The following DENND4C variants were observed in gnomAD, a reference collection of about 807,000 sequenced individuals.
DENND4C encodes DENN domain containing 4C.
A neutral mutation model predicts 203.0 loss-of-function variants in DENND4C; 108 were observed. The observed-to-expected ratio is 0.53, with a 90% confidence interval of 0.46 to 0.62. The LOEUF (loss-of-function observed/expected upper bound fraction) is 0.62, where lower values mean the gene tolerates loss of function less well. Ranked by LOEUF, DENND4C falls within the 20% of genes least tolerant of loss-of-function variation. The pLI is 0.00. For missense variants in DENND4C, 2,481 were observed against 2,301.2 expected (o/e 1.08, Z -1.60); for synonymous variants, 871 against 792.4 (o/e 1.10, Z -1.67).
chr9:19,340,639 T>C lies in DENND4C; in HGVS notation c.2882-353T>C, dbSNP rs542482897. Reference sequence around the variant, plus strand: ...TCTGGTTTATTTTGCCTGCATTACTTTTTGCAAAAGTAAGCAGATATATGT... The same window carrying C: ...TCTGGTTTATTTTGCCTGCATTACTCTTTGCAAAAGTAAGCAGATATATGT... On this transcript the variant is annotated intron_variant, in intron 20 of 32. Transcript: ENST00000434457. Among the ~76,000 whole-genome samples the C allele has an allele frequency of 5.9e-5, 9 of 152,316 alleles. No homozygotes were observed. The East Asian group carries it at 1.7e-3, about 29-fold the overall frequency.
chr9:19,280,183 C>CG (rs1564114470), intron 2 of DENND4C, among the ~76,000 whole-genome samples: 1 of 151,580 alleles, frequency 6.6e-6, no homozygotes, highest in Non-Finnish European at 1.5e-5. Flanking sequence ...GACAGAGTCT[C>CG]GCTCTGTCCA....
intron 1 of DENND4C, among the ~76,000 whole-genome samples, chr9:19,246,741 T>C (rs1328769839): frequency 6.6e-6 from 1 of 152,218 alleles, no homozygotes; most frequent in African/African-American, 2.4e-5. Flanking sequence ...TTGTTTGTTT[T>C]ATTTTTATTT....
At chr9:19,316,597 T>G (rs1841895713) in intron 11 of DENND4C, 24 bp from the exon 12 acceptor site, 8 of 1,608,394 alleles carry the variant, frequency 5.0e-6, no homozygotes, top group Non-Finnish European at 6.8e-6. Context: ...TAATACCATT[T>G]TCTGTTTTTA....
chr9:19,234,540 T>TG (rs1260385539), intron 1 of DENND4C, among the ~76,000 whole-genome samples: 5 of 149,218 alleles, frequency 3.4e-5, no homozygotes, highest in Admixed American at 6.7e-5. Context: ...GTTTTTTTTT[T>TG]TTTTTTTTTT....
chr9:19,311,341 G>A (rs1840703513), intron 10 of DENND4C, among the ~76,000 whole-genome samples: 2 of 152,198 alleles, frequency 1.3e-5, no homozygotes, highest in South Asian at 4.1e-4. Context: ...GGCCAAGCTG[G>A]TCTGGAACTC....
chr9:19,303,307 A>G (rs901605462), intron 9 of DENND4C, among the ~76,000 whole-genome samples: 1 of 151,706 alleles, frequency 6.6e-6, no homozygotes, highest in Non-Finnish European at 1.5e-5. Flanking sequence ...TTTTTCATTT[A>G]TTTTCTCTCT....
chr9:19,327,987 G>C (rs1203497022), intron 15 of DENND4C, 43 bp from the exon 16 acceptor site: 1 of 1,533,090 alleles, frequency 6.5e-7, no homozygotes, highest in Non-Finnish European at 8.8e-7. Flanking sequence ...ATGAAGAGTT[G>C]GTGTGTTTTA....
At chr9:19,280,093 G>T (rs1833728137) in intron 2 of DENND4C, among the ~76,000 whole-genome samples, 1 of 150,352 alleles carries the variant, frequency 6.7e-6, no homozygotes, top group Non-Finnish European at 1.5e-5. Flanking sequence ...TTTATTTGAA[G>T]GGGCCGGCCT....
intron 22 of DENND4C, 112 bp from the exon 23 acceptor site, chr9:19,345,809 G>C: frequency 9.8e-7 from 1 of 1,021,578 alleles, no homozygotes. Context: ...AAATTTTCTG[G>C]ATCTTTTATT....
intron 23 of DENND4C, among the ~76,000 whole-genome samples, chr9:19,348,546 TATA>T (rs1017727849): frequency 1.3e-5 from 2 of 152,162 alleles, no homozygotes; most frequent in Admixed American, 6.5e-5. Flanking sequence ...TTCAAGGTAA[TATA>T]ATCAATTTCA....
Position 19,275,168 on chromosome 9 carries a change from G to C in DENND4C, c.-17-990G>C, listed in dbSNP as rs536032654. On this transcript the variant is annotated intron_variant, in intron 1 of 32. Transcript: ENST00000434457. Reference sequence around the variant, plus strand: ...AATTTTTGTATTTTTAGTAGAGACAGGGTTTCACCATGTTAGCCAGGCTGG... The same window carrying C: ...AATTTTTGTATTTTTAGTAGAGACACGGTTTCACCATGTTAGCCAGGCTGG... 6.0e-5 allele frequency among the ~76,000 whole-genome samples: 9 copies of C among 150,828 alleles called. No homozygotes were observed. In the South Asian group the frequency reaches 1.9e-3, roughly 32 times the overall value.
chr9:19,237,203 G>A (rs1013682405), intron 1 of DENND4C, among the ~76,000 whole-genome samples: 3 of 151,478 alleles, frequency 2.0e-5, no homozygotes, highest in African/African-American at 7.3e-5. Context: ...TGTATTTTTA[G>A]TAGAGATGGG....
At chr9:19,266,956 C>T (rs1159823275) in intron 1 of DENND4C, among the ~76,000 whole-genome samples, 2 of 152,160 alleles carry the variant, frequency 1.3e-5, no homozygotes, top group African/African-American at 4.8e-5. Context: ...TTTTTTATCA[C>T]ATCGTGGTCA....
chr9:19,308,798 A>T (rs1367100152), intron 10 of DENND4C, among the ~76,000 whole-genome samples: 1 of 152,156 alleles, frequency 6.6e-6, no homozygotes, highest in Non-Finnish European at 1.5e-5. Context: ...TCATTTAGTT[A>T]TTTAATTCAG....
chr9:19,285,913 C>G (rs770551985), intron 2 of DENND4C, among the ~76,000 whole-genome samples: 1 of 152,082 alleles, frequency 6.6e-6, no homozygotes, highest in Non-Finnish European at 1.5e-5. Flanking sequence ...TTCTGTTGAT[C>G]TATATGTTTA....
At chr9:19,300,802 C>T (rs1461222430) in intron 9 of DENND4C, among the ~76,000 whole-genome samples, 3 of 152,092 alleles carry the variant, frequency 2.0e-5, no homozygotes, top group South Asian at 2.1e-4. Context: ...TTGTGTAAAG[C>T]GTAAATAAAA....
At position 19,372,252 on chromosome 9, in the gene DENND4C, A is replaced by G. The variant is rs903752741; in HGVS notation, c.*79A>G. Reference sequence around the variant, plus strand: ...GGAAACATTCAAGTTTTTTTTTCCAAATCGTAAGAACTGGTGAATACGGAA... The same window carrying G: ...GGAAACATTCAAGTTTTTTTTTCCAGATCGTAAGAACTGGTGAATACGGAA... On this transcript the variant is annotated 3_prime_UTR_variant, in exon 33 of 33. Transcript: ENST00000434457. 1 of 1,528,132 alleles carries G rather than the reference A, an allele frequency of 6.5e-7. No individual in the cohort carries two copies. Among genetic ancestry groups the G allele is most frequent in the South Asian group, 1.3e-5 (1 of 79,544 alleles). The allele number at this position is 1,528,132 out of a possible 1,614,324, so 94.7% of individuals were successfully genotyped here. A position where few individuals can be genotyped will look rare whatever the true frequency, so the allele number is the denominator to read the frequency against.
chr9:19,308,691 A>G (rs1840167558), intron 10 of DENND4C, among the ~76,000 whole-genome samples: 1 of 152,000 alleles, frequency 6.6e-6, no homozygotes, highest in African/African-American at 2.4e-5. Flanking sequence ...ATTTCTCTTT[A>G]TGGAGTACTG....
Position 19,358,192 on chromosome 9 carries a change from T to C in DENND4C, c.5160+32T>C, listed in dbSNP as rs538342970. 35 of 1,555,822 alleles carry C rather than the reference T, an allele frequency of 2.2e-5. No homozygotes were observed. The South Asian group carries it at 3.9e-4, about 18-fold the overall frequency. ...AACAACAACAACATTGTAATTATACTGCATACACACCTAAGTATATAGTAG... is the reference window on the plus strand; with the variant it reads ...AACAACAACAACATTGTAATTATACCGCATACACACCTAAGTATATAGTAG... On this transcript the variant is annotated intron_variant, in intron 28 of 32. Transcript: ENST00000434457. The surrounding 1 kb of genome is among the most constrained non-coding windows in gnomAD (Gnocchi z 4.8).
Sources: allele counts gnomAD v4.1 joint callset (sites outside exome capture counted in the v4.1 genomes callset), GRCh38; gene constraint gnomAD v4.1.1; non-coding constraint Gnocchi (gnomAD v3.1); transcripts MANE v1.5; gene names NCBI Gene and HGNC (gene_info 2026-07-23, HGNC 2026-07-21).